The following ADAMTS17 variants were observed in gnomAD, a reference collection of about 807,000 sequenced individuals.
ADAMTS17 encodes A disintegrin and metalloproteinase with thrombospondin motifs 17.
ADAMTS17 carries 113 observed loss-of-function variants against 141.5 expected under a neutral mutation model. That is an observed-to-expected ratio of 0.80 (90% CI 0.69 to 0.93). The LOEUF (loss-of-function observed/expected upper bound fraction) is 0.93, where lower values mean the gene tolerates loss of function less well. Ranked by LOEUF, ADAMTS17 falls within the 40% of genes least tolerant of loss-of-function variation. ADAMTS17 has a pLI of 0.00. For missense variants in ADAMTS17, 1,659 were observed against 1,517.9 expected (o/e 1.09, Z -1.54); for synonymous variants, 768 against 630.6 (o/e 1.22, Z -3.27).
intron 7 of ADAMTS17, among the ~76,000 whole-genome samples, chr15:100,252,412 G>T (rs1001601431): frequency 9.2e-5 from 14 of 152,174 alleles, no homozygotes; most frequent in African/African-American, 3.4e-4. Flanking sequence ...GCTCTGTTTT[G>T]CTCAGGGGCT....
At chr15:100,331,523 C>T (rs548818642) in intron 2 of ADAMTS17, among the ~76,000 whole-genome samples, 37 of 152,136 alleles carry the variant, frequency 2.4e-4, no homozygotes, top group African/African-American at 8.2e-4. Flanking sequence ...ACAATTTGCC[C>T]TCCTTCAGCA....
chr15:100,146,674 G>A (rs2038920505), intron 10 of ADAMTS17, among the ~76,000 whole-genome samples: 1 of 53,304 alleles, frequency 1.9e-5, no homozygotes, highest in African/African-American at 4.6e-5. Context: ...GCGGAACAGA[G>A]CCATATTTCT....
intron 3 of ADAMTS17, among the ~76,000 whole-genome samples, chr15:100,315,071 T>C (rs2045520329): frequency 6.6e-6 from 1 of 152,232 alleles, no homozygotes; most frequent in African/African-American, 2.4e-5. Context: ...CTGGGGCAGG[T>C]CCCAGGTGGG....
At chr15:100,279,269 A>G (rs1038399196) in intron 4 of ADAMTS17, among the ~76,000 whole-genome samples, 2 of 152,162 alleles carry the variant, frequency 1.3e-5, no homozygotes, top group African/African-American at 4.8e-5. Flanking sequence ...TTCATGTCAG[A>G]GCCAACTTCC....
chr15:100,269,917 C>T (rs1367270824), intron 4 of ADAMTS17, among the ~76,000 whole-genome samples: 1 of 152,222 alleles, frequency 6.6e-6, no homozygotes, highest in Non-Finnish European at 1.5e-5. Flanking sequence ...AGCCCAGATC[C>T]AGCCCCTGTT....
intron 3 of ADAMTS17, among the ~76,000 whole-genome samples, chr15:100,291,984 G>A (rs758057345): frequency 2.0e-5 from 3 of 152,220 alleles, no homozygotes; most frequent in Admixed American, 6.5e-5. Flanking sequence ...AGGTCAACAC[G>A]GTAGCTCTCG....
chr15:100,341,953 TA>T lies in ADAMTS17; in HGVS notation c.-55del. 6.5e-7 allele frequency: 1 copy of T among 1,530,464 alleles called. No homozygotes were observed. Among genetic ancestry groups the T allele is most frequent in the Non-Finnish European group, 8.8e-7 (1 of 1,131,912 alleles). 94.8% of individuals were successfully genotyped at this position (1,530,464 alleles called of 1,614,324 possible). On this transcript the variant is annotated 5_prime_UTR_variant, in exon 1 of 22. Coordinates refer to ENST00000268070, the MANE Select transcript of ADAMTS17 (RefSeq NM_139057.4). ...CCGTGGCGGCGAAGCAGGAGCGCGCTAGGCGGCGGCGCCAGCCGGAGTGAAG... is the reference window on the plus strand; with the variant it reads ...CCGTGGCGGCGAAGCAGGAGCGCGCTGGCGGCGGCGCCAGCCGGAGTGAAG...
rs1235738185 is a variant in ADAMTS17 at position 100,341,947 on chromosome 15, G to A, written c.-48C>T. Reference sequence around the variant, plus strand: ...CCCGGACCGTGGCGGCGAAGCAGGAGCGCGCTAGGCGGCGGCGCCAGCCGG... The same window carrying A: ...CCCGGACCGTGGCGGCGAAGCAGGAACGCGCTAGGCGGCGGCGCCAGCCGG... On this transcript the variant is annotated 5_prime_UTR_variant, in exon 1 of 22. Transcript: ENST00000268070. The A allele has an allele frequency of 5.2e-6, 8 of 1,545,228 alleles. No homozygotes were observed. The highest frequency in any genetic ancestry group is 7.0e-6 in the Non-Finnish European group (8 of 1,144,386).
chr15:100,236,824 T>G (rs1042799499), intron 7 of ADAMTS17, among the ~76,000 whole-genome samples: 2 of 151,916 alleles, frequency 1.3e-5, no homozygotes, highest in African/African-American at 4.8e-5. Flanking sequence ...GGCAACAGAG[T>G]GAGACTCCTG....
chr15:100,138,510 T>G (rs1170080301), intron 10 of ADAMTS17, among the ~76,000 whole-genome samples: 1 of 152,084 alleles, frequency 6.6e-6, no homozygotes, highest in Non-Finnish European at 1.5e-5. Flanking sequence ...TTGAAGAAAA[T>G]CAATGGATTT....
At chr15:100,175,830 C>T (rs535024637) in intron 8 of ADAMTS17, among the ~76,000 whole-genome samples, 7 of 152,164 alleles carry the variant, frequency 4.6e-5, no homozygotes, top group Admixed American at 1.3e-4. Context: ...CAAGATTCCA[C>T]GTCTTTCCTC....
intron 8 of ADAMTS17, among the ~76,000 whole-genome samples, chr15:100,162,970 ATATATATGTGTATATATAACTATATATG>A (rs1567286265): frequency 0.017 from 1,884 of 112,868 alleles, 41 homozygotes; most frequent in African/African-American, 0.049. Context: ...CTATATATGT[ATATATATGTGTATATATAACTATATATG>A]TATATATGTG....
rs1031631242 is a variant in ADAMTS17 at position 100,035,630 on chromosome 15, C to T, written c.2591+13227G>A. 3.9e-5 allele frequency among the ~76,000 whole-genome samples: 6 copies of T among 152,052 alleles called. 1 individual carries two copies. The South Asian group carries it at 8.3e-4, about 21-fold the overall frequency. On this transcript the variant is annotated intron_variant, in intron 18 of 21. Coordinates refer to ENST00000268070, the MANE Select transcript of ADAMTS17 (RefSeq NM_139057.4). ...TCTAAGCATTGATCCTCAGGTGTGC[C>T]GAGTCTCGGGGCTAGCTTGGGGCCA...
At chr15:100,014,993 T>C (rs373092988) in intron 18 of ADAMTS17, among the ~76,000 whole-genome samples, 2 of 152,248 alleles carry the variant, frequency 1.3e-5, no homozygotes, top group African/African-American at 2.4e-5. Context: ...TGTTGCTCTC[T>C]ATCTCATTTC....
chr15:99,996,764 T>C (rs1339141774), intron 19 of ADAMTS17, among the ~76,000 whole-genome samples: 2 of 151,876 alleles, frequency 1.3e-5, no homozygotes, highest in Non-Finnish European at 2.9e-5. Flanking sequence ...CTGCCCTTTA[T>C]TCAGCTATTT....
At chr15:100,023,345 G>A (rs1034291602) in intron 18 of ADAMTS17, among the ~76,000 whole-genome samples, 1 of 151,918 alleles carries the variant, frequency 6.6e-6, no homozygotes, top group African/African-American at 2.4e-5. Context: ...GGGATTACAG[G>A]TGCCTGCCAC....
At chr15:100,298,571 A>C (rs535001093) in intron 3 of ADAMTS17, among the ~76,000 whole-genome samples, 6 of 152,186 alleles carry the variant, frequency 3.9e-5, no homozygotes, top group Non-Finnish European at 7.3e-5. Context: ...CCGGTACAGA[A>C]CTTCCAGGGA....
chr15:100,227,876 G>C (rs2141831901), intron 7 of ADAMTS17, among the ~76,000 whole-genome samples: 1 of 152,338 alleles, frequency 6.6e-6, no homozygotes, highest in East Asian at 1.9e-4. Context: ...TGGCTGCTAA[G>C]TCCACAACTA....
At chr15:100,182,185 C>T (rs1407420569) in intron 8 of ADAMTS17, among the ~76,000 whole-genome samples, 1 of 152,108 alleles carries the variant, frequency 6.6e-6, no homozygotes, top group Middle Eastern at 3.2e-3. Flanking sequence ...CTGGGGAGAC[C>T]TCAGGAAACT....
Sources: allele counts gnomAD v4.1 joint callset (sites outside exome capture counted in the v4.1 genomes callset), GRCh38; gene constraint gnomAD v4.1.1; transcripts MANE v1.5; gene names NCBI Gene and HGNC (gene_info 2026-07-23, HGNC 2026-07-21).